Variants in DTNA observed in about 807,000 individuals in gnomAD.
DTNA encodes the protein dystrophin-related protein 3.
A neutral mutation model predicts 100.7 loss-of-function variants in DTNA; 43 were observed. The ratio of observed to expected loss-of-function variants is 0.43; its 90% confidence interval spans 0.33 to 0.55. The LOEUF is 0.55. Among genes scored for constraint, DTNA ranks in the 20% least tolerant of loss-of-function variants. DTNA has a pLI of 0.04. For synonymous variants in DTNA, 349 were observed against 347.9 expected (o/e 1.00, Z -0.04); for missense variants, 798 against 953.9 (o/e 0.84, Z 2.15).
chr18:34,583,622 G>A lies in DTNA; in HGVS notation c.-2+90108G>A, dbSNP rs2048845313. 2.0e-5 allele frequency among the ~76,000 whole-genome samples: 3 copies of A among 151,598 alleles called. No individual in the cohort carries two copies. The South Asian group carries it at 6.3e-4, about 32-fold the overall frequency. On this transcript the variant is annotated intron_variant, in intron 1 of 19. Transcript: ENST00000283365. Reference sequence around the variant, plus strand: ...TTTAATGGAAATGGAATGAATGAGTGGTATGTGTTTTTAGCTAAACAGAGA... The same window carrying A: ...TTTAATGGAAATGGAATGAATGAGTAGTATGTGTTTTTAGCTAAACAGAGA...
chr18:34,741,751 T>A (rs2090689411), intron 1 of DTNA, among the ~76,000 whole-genome samples: 2 of 151,220 alleles, frequency 1.3e-5, no homozygotes, highest in Non-Finnish European at 3.0e-5. Flanking sequence ...TATCTGATAT[T>A]AGTCAATATA....
At chr18:34,605,379 G>A (rs1000923543) in intron 1 of DTNA, among the ~76,000 whole-genome samples, 1 of 152,078 alleles carries the variant, frequency 6.6e-6, no homozygotes, top group Non-Finnish European at 1.5e-5. Context: ...TTTCTAATAA[G>A]GTAATATAAG....
At chr18:34,602,741 G>T (rs1026490556) in intron 1 of DTNA, among the ~76,000 whole-genome samples, 18 of 151,942 alleles carry the variant, frequency 1.2e-4, no homozygotes, top group African/African-American at 4.1e-4. Context: ...GCCCGGCGTG[G>T]TGGCTCATAC....
intron 1 of DTNA, among the ~76,000 whole-genome samples, chr18:34,634,697 T>A (rs1265129032): frequency 6.6e-6 from 1 of 152,096 alleles, no homozygotes; most frequent in Non-Finnish European, 1.5e-5. Flanking sequence ...TTGTTTCTTT[T>A]AAAAAAAATT....
intron 1 of DTNA, among the ~76,000 whole-genome samples, chr18:34,656,738 G>T (rs1481933843): frequency 2.0e-5 from 3 of 152,164 alleles, no homozygotes; most frequent in Non-Finnish European, 4.4e-5. Context: ...GAAACAAAGA[G>T]AAGAGAAAAT....
At chr18:34,777,184 G>A (rs1027926365) in intron 3 of DTNA, among the ~76,000 whole-genome samples, 7 of 152,222 alleles carry the variant, frequency 4.6e-5, no homozygotes, top group African/African-American at 1.4e-4. Context: ...CAACTTGAGT[G>A]TAGGCTTCTT....
intron 1 of DTNA, among the ~76,000 whole-genome samples, chr18:34,536,517 G>C (rs1390847408): frequency 6.6e-6 from 1 of 151,856 alleles, no homozygotes; most frequent in Non-Finnish European, 1.5e-5. Context: ...CTGACATTTA[G>C]CATGTTTTTA....
intron 1 of DTNA, among the ~76,000 whole-genome samples, chr18:34,617,582 T>A (rs2055565870): frequency 6.6e-6 from 1 of 152,150 alleles, no homozygotes; most frequent in Non-Finnish European, 1.5e-5. Flanking sequence ...GGCATGACAT[T>A]TTCTTTTTTG....
rs28429003 is a variant in DTNA, at chr18:34,607,324, G to C, written c.-2+113810G>C. Among the ~76,000 whole-genome samples the C allele has an allele frequency of 3.7e-3, 556 of 152,262 alleles. 2 individuals are homozygous for C. The highest frequency in any genetic ancestry group is 0.012 in the African/African-American group (514 of 41,550). On this transcript the variant is annotated intron_variant, in intron 1 of 19. Transcript: ENST00000283365. ...TCACATAAATTGATCACTCTGGATG[G>C]TGATTTTAAAGAAGGCAAGAATACA...
At chr18:34,758,333 A>G (rs912393425) in intron 2 of DTNA, among the ~76,000 whole-genome samples, 3 of 152,238 alleles carry the variant, frequency 2.0e-5, no homozygotes, top group African/African-American at 7.2e-5. Context: ...GAAAGTGCCA[A>G]TGAGATTCTT....
chr18:34,683,273 G>A (rs1265802286), intron 1 of DTNA, among the ~76,000 whole-genome samples: 1 of 152,138 alleles, frequency 6.6e-6, no homozygotes, highest in African/African-American at 2.4e-5. Context: ...AATGTGATCA[G>A]GATCCCAGTG....
chr18:34,523,722 A>T (rs573177404), intron 1 of DTNA, among the ~76,000 whole-genome samples: 193 of 152,294 alleles, frequency 1.3e-3, no homozygotes, highest in African/African-American at 4.4e-3. Context: ...AGGTAAAGTG[A>T]CTAGAGCTCA....
At chr18:34,725,985 AC>A (rs1244402365) in intron 1 of DTNA, among the ~76,000 whole-genome samples, 3 of 152,194 alleles carry the variant, frequency 2.0e-5, no homozygotes, top group Non-Finnish European at 4.4e-5. Flanking sequence ...ATTCTCAGCA[AC>A]GTAACAGAAG....
chr18:34,511,259 T>C lies in DTNA; in HGVS notation c.-2+17745T>C, dbSNP rs1444197184. Among the ~76,000 whole-genome samples the C allele has an allele frequency of 8.5e-5, 13 of 152,104 alleles. No individual in the cohort carries two copies. In the East Asian group the frequency reaches 1.2e-3, roughly 14 times the overall value. Reference sequence around the variant, plus strand: ...CTAAAGAAAGTTATTTGAATAAAAATGGTGAATATATACTTAAGACCCATC... The same window carrying C: ...CTAAAGAAAGTTATTTGAATAAAAACGGTGAATATATACTTAAGACCCATC... On this transcript the variant is annotated intron_variant, in intron 1 of 19. Coordinates refer to the DTNA transcript ENST00000283365.
chr18:34,628,957 C>T (rs1369785520), intron 1 of DTNA, among the ~76,000 whole-genome samples: 1 of 152,078 alleles, frequency 6.6e-6, no homozygotes, highest in Non-Finnish European at 1.5e-5. Flanking sequence ...CGCCTCCTCC[C>T]CATAAATGAT....
At chr18:34,512,950 G>C (rs182644848) in intron 1 of DTNA, among the ~76,000 whole-genome samples, 1 of 152,036 alleles carries the variant, frequency 6.6e-6, no homozygotes, top group Non-Finnish European at 1.5e-5. Flanking sequence ...TTTCACATAA[G>C]ATGTGACCAC....
chr18:34,748,917 G>A (rs979699102), intron 1 of DTNA, among the ~76,000 whole-genome samples: 3 of 152,276 alleles, frequency 2.0e-5, no homozygotes, highest in East Asian at 1.9e-4. Context: ...TCACAATATT[G>A]ATTCTACCCA....
At chr18:34,727,099 C>T (rs1338790904) in intron 1 of DTNA, among the ~76,000 whole-genome samples, 1 of 152,154 alleles carries the variant, frequency 6.6e-6, no homozygotes, top group African/African-American at 2.4e-5. Flanking sequence ...CTGAGCTGTA[C>T]CTGAAGCCCT....
At chr18:34,729,106 A>G (rs2087459471) in intron 1 of DTNA, among the ~76,000 whole-genome samples, 1 of 152,234 alleles carries the variant, frequency 6.6e-6, no homozygotes, top group Admixed American at 6.5e-5. Context: ...GTATGATGTC[A>G]ATGTCAATGG....
Sources: allele counts gnomAD v4.1 joint callset (sites outside exome capture counted in the v4.1 genomes callset), GRCh38; gene constraint gnomAD v4.1.1; transcripts MANE v1.5; gene names NCBI Gene and HGNC (gene_info 2026-07-23, HGNC 2026-07-21).